NCOA1: variants seen among roughly 807,000 people sequenced by gnomAD.
NCOA1 encodes the protein Hin-2 protein.
Under a neutral mutation model 150.9 loss-of-function variants are expected in NCOA1, and 35 were observed. The ratio of observed to expected loss-of-function variants is 0.23; its 90% CI spans 0.18 to 0.31. The LOEUF (loss-of-function observed/expected upper bound fraction) is 0.31, where lower values mean the gene tolerates loss of function less well. Among genes scored for constraint, NCOA1 ranks in the 10% least tolerant of loss-of-function variants. The pLI, the probability that NCOA1 is intolerant of heterozygous loss-of-function variation, is 1.00. For synonymous variants in NCOA1, 590 were observed against 630.0 expected, an observed-to-expected ratio of 0.94 and a Z score of 0.95; for missense variants, 1,491 against 1,749.3, an observed-to-expected ratio of 0.85 and a Z score of 2.63.
chr2:24,695,645 C>A (rs1310838654), intron 10 of NCOA1, among the ~76,000 whole-genome samples: 1 of 151,984 alleles, frequency 6.6e-6, no homozygotes, highest in Non-Finnish European at 1.5e-5. Context: ...ATGGGATGAT[C>A]CATATCTCTT....
At chr2:24,604,128 C>T (rs1179771348) in intron 3 of NCOA1, among the ~76,000 whole-genome samples, 2 of 152,144 alleles carry the variant, frequency 1.3e-5, no homozygotes, top group Non-Finnish European at 2.9e-5. Context: ...TTTTTCTGAG[C>T]AGTAGGTCTT....
chr2:24,670,821 C>T (rs924652776), intron 6 of NCOA1, among the ~76,000 whole-genome samples: 7 of 151,976 alleles, frequency 4.6e-5, no homozygotes, highest in Non-Finnish European at 7.4e-5. Flanking sequence ...GAGTTAATTG[C>T]GTGTTGTGTA....
At chr2:24,633,233 TA>T (rs1247904659) in intron 3 of NCOA1, among the ~76,000 whole-genome samples, 2 of 150,768 alleles carry the variant, frequency 1.3e-5, no homozygotes, top group Non-Finnish European at 3.0e-5. Context: ...ATGGGATATT[TA>T]AAAAAAAACA....
At chr2:24,682,053 G>A (rs1162049069) in intron 7 of NCOA1, among the ~76,000 whole-genome samples, 4 of 152,152 alleles carry the variant, frequency 2.6e-5, no homozygotes, top group Non-Finnish European at 2.9e-5. Flanking sequence ...TAACCCGTCA[G>A]CATTGTTAGA....
At chr2:24,550,101 C>G (rs1013255105) in intron 1 of NCOA1, among the ~76,000 whole-genome samples, 1 of 152,186 alleles carries the variant, frequency 6.6e-6, no homozygotes, top group African/African-American at 2.4e-5. Flanking sequence ...ATTTCATTGT[C>G]CTTATCATTA....
intron 1 of NCOA1, among the ~76,000 whole-genome samples, chr2:24,498,586 A>G (rs1210138181): frequency 6.6e-6 from 1 of 152,198 alleles, no homozygotes. Context: ...GAATAGAGAC[A>G]AGGAGAACAG....
chr2:24,529,841 G>A (rs1027920230), intron 1 of NCOA1, among the ~76,000 whole-genome samples: 1 of 152,110 alleles, frequency 6.6e-6, no homozygotes, highest in Non-Finnish European at 1.5e-5. Context: ...TAAAAAAGCA[G>A]CCATATTTAG....
chr2:24,707,247 A>G lies in NCOA1; in HGVS notation c.1777A>G (p.Asn593Asp). 1 of 1,614,208 alleles carries G rather than the reference A, an allele frequency of 6.2e-7. No individual in the cohort carries two copies. Among genetic ancestry groups the G allele is most frequent in the Non-Finnish European group, 8.5e-7 (1 of 1,180,034 alleles). ...KDNKEIASIL[N>D]EMIQSDNSSS... ...TAACAAAGAGATTGCCTCAATTTTA[A>G]ATGAAATGATTCAATCTGACAACAG... Residue 593 changes from asparagine (N) to aspartate (D), a missense_variant, in exon 13 of 23, where the codon AAT (asparagine) becomes GAT (aspartate). This residue lies in a region of NCOA1 where 703 missense variants were observed against 717.7 expected (regional missense o/e 0.98). Coordinates refer to ENST00000348332, the MANE Select transcript of NCOA1 (RefSeq NM_003743.5).
intron 1 of NCOA1, among the ~76,000 whole-genome samples, chr2:24,507,982 G>T (rs895457124): frequency 6.6e-6 from 1 of 152,146 alleles, no homozygotes; most frequent in South Asian, 2.1e-4. Context: ...ATTATAGCAT[G>T]TGCTCATATT....
intron 20 of NCOA1, among the ~76,000 whole-genome samples, chr2:24,754,865 G>T (rs1664423858): frequency 6.6e-6 from 1 of 152,124 alleles, no homozygotes; most frequent in South Asian, 2.1e-4. Context: ...CAACATCTTG[G>T]ATTCAGATTC....
chr2:24,622,638 G>T (rs551432060), intron 3 of NCOA1, among the ~76,000 whole-genome samples: 7 of 152,106 alleles, frequency 4.6e-5, no homozygotes, highest in Non-Finnish European at 1.0e-4. Context: ...GCTGGATTTT[G>T]TCAGTTTTTT....
At chr2:24,584,748 A>G (rs1667329429) in intron 3 of NCOA1, among the ~76,000 whole-genome samples, 188 bp downstream of exon 3, 1 of 152,122 alleles carries the variant, frequency 6.6e-6, no homozygotes, top group East Asian at 1.9e-4. Flanking sequence ...AGCTGTGTAG[A>G]TCTTTTCACA....
At chr2:24,560,948 A>G (rs1008174033) in intron 1 of NCOA1, among the ~76,000 whole-genome samples, 1 of 152,314 alleles carries the variant, frequency 6.6e-6, no homozygotes, top group South Asian at 2.1e-4. Context: ...ATTGTCAGAA[A>G]TAAGACTTAA....
chr2:24,493,680 T>C (rs1663077176), intron 1 of NCOA1, among the ~76,000 whole-genome samples: 1 of 152,240 alleles, frequency 6.6e-6, no homozygotes, highest in Non-Finnish European at 1.5e-5. Flanking sequence ...TGCTTCTTCC[T>C]GCCTCTTTCT....
At chr2:24,587,418 G>A (rs1473642102) in intron 3 of NCOA1, among the ~76,000 whole-genome samples, 2 of 135,774 alleles carry the variant, frequency 1.5e-5, no homozygotes, top group Admixed American at 7.3e-5. Flanking sequence ...AGAGTTTTTA[G>A]TTGTAATTAG....
chr2:24,688,595 G>A (rs1434062907), intron 8 of NCOA1, among the ~76,000 whole-genome samples: 1 of 151,876 alleles, frequency 6.6e-6, no homozygotes, highest in East Asian at 1.9e-4. Context: ...CTTTTTAATG[G>A]GGTTGTTTTT....
At chr2:24,644,906 A>G (rs1670399538) in intron 4 of NCOA1, among the ~76,000 whole-genome samples, 1 of 152,164 alleles carries the variant, frequency 6.6e-6, no homozygotes, top group Non-Finnish European at 1.5e-5. Context: ...CACCCCAGAA[A>G]TCCTCTTCAT....
chr2:24,592,558 C>T (rs1667699024), intron 3 of NCOA1, among the ~76,000 whole-genome samples: 1 of 145,604 alleles, frequency 6.9e-6, no homozygotes. Flanking sequence ...TTTTTCTCTT[C>T]AAATTGCTAT....
intron 20 of NCOA1, among the ~76,000 whole-genome samples, chr2:24,756,089 A>G (rs1227463846): frequency 6.8e-6 from 1 of 146,084 alleles, no homozygotes; most frequent in African/African-American, 2.6e-5. Flanking sequence ...AAAAAAAAAA[A>G]AAAAAGAATA....
Sources: gnomAD v4.1 joint callset for allele counts (sites outside exome capture counted in the v4.1 genomes callset) on GRCh38, gnomAD v4.1.1 for gene constraint, gnomAD v4.1.1 regional missense constraint, MANE v1.5 for transcripts, NCBI Gene and HGNC (gene_info 2026-07-23, HGNC 2026-07-21) for gene names.